PIK3CB: variants seen among roughly 807,000 people sequenced by gnomAD.
PIK3CB encodes the protein phosphatidylinositol 4,5-bisphosphate 3-kinase catalytic subunit beta isoform.
In PIK3CB, 39 loss-of-function variants were observed where a neutral mutation model predicts 136.8. The ratio of observed to expected loss-of-function variants is 0.29; its 90% CI spans 0.22 to 0.37. The LOEUF (loss-of-function observed/expected upper bound fraction) is 0.37. PIK3CB is among the 10% of genes least tolerant of loss of function. The pLI, the probability that PIK3CB is intolerant of heterozygous loss-of-function variation, is 1.00. For synonymous variants in PIK3CB, 428 were observed against 436.6 expected (o/e 0.98, Z 0.25); for missense variants, 868 against 1,275.4 (o/e 0.68, Z 4.87).
intron 1 of PIK3CB, chr3:138,826,198 C>T: frequency 7.8e-7 from 1 of 1,285,852 alleles, no homozygotes; most frequent in African/African-American, 1.4e-5. Context: ...TAGGACTATC[C>T]TCCTCTGGGT....
At chr3:138,770,928 T>A (rs2045791465) in intron 2 of PIK3CB, among the ~76,000 whole-genome samples, 1 of 151,922 alleles carries the variant, frequency 6.6e-6, no homozygotes, top group Non-Finnish European at 1.5e-5. Flanking sequence ...GCCAGGCTAG[T>A]CTTGAACTCC....
At position 138,652,702 on chromosome 3, in the gene PIK3CB, T is replaced by A. The variant is rs1260880783; in HGVS notation, c.*2687A>T. On this transcript the variant is annotated 3_prime_UTR_variant, in exon 24 of 24. Transcript: ENST00000674063. Reference sequence around the variant, plus strand: ...GTATTTGATAGCACAACAGAGTAACTATAGTCGATAATTTAATTATAGATC... The same window carrying A: ...GTATTTGATAGCACAACAGAGTAACAATAGTCGATAATTTAATTATAGATC... 2 of 206,354 alleles carry A rather than the reference T, an allele frequency of 9.7e-6. No homozygotes were observed. The highest frequency in any genetic ancestry group is 1.5e-4 in the East Asian group (2 of 13,284). The allele number at this position is 206,354 out of a possible 1,614,324, so 12.8% of individuals were successfully genotyped here.
chr3:138,686,107 C>A (rs1385445523), intron 16 of PIK3CB, among the ~76,000 whole-genome samples: 1 of 151,094 alleles, frequency 6.6e-6, no homozygotes, highest in African/African-American at 2.4e-5. Flanking sequence ...ACTACACTCT[C>A]CAGCCTGGGC....
At position 138,744,688 on chromosome 3, in the gene PIK3CB, G is replaced by A. The variant is rs939282367; in HGVS notation, c.398-1907C>T. Among the ~76,000 whole-genome samples, 3 of 152,122 alleles carry A rather than the reference G, an allele frequency of 2.0e-5. No homozygotes were observed. In the East Asian group the frequency reaches 5.8e-4, roughly 29 times the overall value. ...TACCACTGTTTGCTTTAGTTTCAGT[G>A]CTGGTATCATAGAAGGGGCCATATT... On this transcript the variant is annotated intron_variant, in intron 4 of 23. Coordinates refer to ENST00000674063, the MANE Select transcript of PIK3CB (RefSeq NM_006219.3).
intron 1 of PIK3CB, among the ~76,000 whole-genome samples, chr3:138,808,750 C>CTCTA (rs1553743007): frequency 2.0e-5 from 3 of 150,068 alleles, no homozygotes; most frequent in African/African-American, 7.4e-5. Flanking sequence ...CTCTCTCTCT[C>CTCTA]TATATATATA....
At chr3:138,734,831 T>C (rs376078180) in intron 6 of PIK3CB, 27 bp from the exon 7 acceptor site, 63 of 1,520,218 alleles carry the variant, frequency 4.1e-5, no homozygotes, top group Middle Eastern at 1.7e-4. Context: ...GGGGAAGGTA[T>C]TGATTTTCAT....
At chr3:138,731,765 A>G (rs1310493794) in intron 8 of PIK3CB, among the ~76,000 whole-genome samples, 1 of 151,790 alleles carries the variant, frequency 6.6e-6, no homozygotes, top group Non-Finnish European at 1.5e-5. Flanking sequence ...CAGGCGGATC[A>G]CGAGGTCAGG....
chr3:138,737,424 C>CAAAAAAAAAAAAAAAAAAAAAAAAAAA (rs2045134496), intron 6 of PIK3CB, among the ~76,000 whole-genome samples: 2 of 88,838 alleles, frequency 2.3e-5, no homozygotes, highest in Non-Finnish European at 4.6e-5. Flanking sequence ...AAAAAAAAAG[C>CAAAAAAAAAAAAAAAAAAAAAAAAAAA]AAAGCAGAAT....
At position 138,655,205 on chromosome 3, in the gene PIK3CB, C is replaced by A; in HGVS notation, c.*184G>T. The A allele has an allele frequency of 1.7e-6, 1 of 591,700 alleles. No individual in the cohort carries two copies. Among genetic ancestry groups the A allele is most frequent in the Non-Finnish European group, 3.0e-6 (1 of 337,312 alleles). The allele number at this position is 591,700 out of a possible 1,614,324, so 36.7% of individuals were successfully genotyped here. A position where few individuals can be genotyped will look rare whatever the true frequency, so the allele number is the denominator to read the frequency against. ...ATAAGTCTTGGAAGCATTCAAAAAG[C>A]AGAGGGAATCATCGGGGATTGTTCA... On this transcript the variant is annotated 3_prime_UTR_variant, in exon 24 of 24. Coordinates refer to ENST00000674063, the MANE Select transcript of PIK3CB (RefSeq NM_006219.3).
At chr3:138,671,634 C>G (rs2043535334) in intron 19 of PIK3CB, among the ~76,000 whole-genome samples, 1 of 152,214 alleles carries the variant, frequency 6.6e-6, no homozygotes, top group South Asian at 2.1e-4. Flanking sequence ...GAGGTAGGAT[C>G]TGGACCCGAC....
At chr3:138,803,860 C>G (rs997282087) in intron 1 of PIK3CB, among the ~76,000 whole-genome samples, 22 of 152,080 alleles carry the variant, frequency 1.4e-4, no homozygotes, top group African/African-American at 5.1e-4. Context: ...TAGGAAAGTT[C>G]CAGCCTCTCA....
At chr3:138,669,490 C>T (rs928404453) in intron 19 of PIK3CB, among the ~76,000 whole-genome samples, 7 of 148,976 alleles carry the variant, frequency 4.7e-5, no homozygotes, top group Non-Finnish European at 8.9e-5. Context: ...TTAATGGAGG[C>T]AACTGTCAAA....
chr3:138,756,981 T>G (rs2045579966), intron 3 of PIK3CB, among the ~76,000 whole-genome samples: 1 of 151,976 alleles, frequency 6.6e-6, no homozygotes, highest in Non-Finnish European at 1.5e-5. Context: ...CTCCTACAAC[T>G]CAATAACAGA....
At chr3:138,744,780 G>A (rs1217160868) in intron 4 of PIK3CB, among the ~76,000 whole-genome samples, 1 of 152,170 alleles carries the variant, frequency 6.6e-6, no homozygotes, top group Non-Finnish European at 1.5e-5. Flanking sequence ...ATGTGAATTT[G>A]TTTTCGGGCA....
intron 12 of PIK3CB, among the ~76,000 whole-genome samples, chr3:138,701,784 C>CAAAAA (rs560982900): frequency 1.8e-5 from 1 of 54,916 alleles, no homozygotes; most frequent in Non-Finnish European, 4.0e-5. Flanking sequence ...GACTCTGTCT[C>CAAAAA]AAAAAAAAAA....
chr3:138,727,826 T>C (rs1254550063), intron 8 of PIK3CB, among the ~76,000 whole-genome samples: 1 of 152,194 alleles, frequency 6.6e-6, no homozygotes, highest in Non-Finnish European at 1.5e-5. Flanking sequence ...ACCCATTAAA[T>C]AAATTTTGAA....
intron 8 of PIK3CB, among the ~76,000 whole-genome samples, chr3:138,724,804 G>A (rs78983417): frequency 6.6e-6 from 1 of 152,166 alleles, no homozygotes; most frequent in Non-Finnish European, 1.5e-5. Context: ...CAAAAGCCAC[G>A]GCGGAGACCA....
rs566148086 is a variant in PIK3CB at position 138,829,907 on chromosome 3, G to T, written c.-122+4788C>A. On this transcript the variant is annotated intron_variant, in intron 1 of 23. Coordinates refer to ENST00000674063, the MANE Select transcript of PIK3CB (RefSeq NM_006219.3). ...CGAAATGAAGGTGTCATGTAGGCAG[G>T]CAGAAGACTGAAGTTCAGGACTGGA... 4.6e-5 allele frequency among the ~76,000 whole-genome samples: 7 copies of T among 152,282 alleles called. No individual in the cohort carries two copies. In the East Asian group the frequency reaches 1.2e-3, roughly 25 times the overall value.
intron 12 of PIK3CB, among the ~76,000 whole-genome samples, chr3:138,700,474 G>A (rs2044227032): frequency 6.6e-6 from 1 of 152,130 alleles, no homozygotes; most frequent in South Asian, 2.1e-4. Context: ...GGGCTCCCAT[G>A]AGCCAGATCT....
Sources: gnomAD v4.1 joint callset for allele counts (sites outside exome capture counted in the v4.1 genomes callset) on GRCh38, gnomAD v4.1.1 for gene constraint, MANE v1.5 for transcripts, NCBI Gene and HGNC (gene_info 2026-07-23, HGNC 2026-07-21) for gene names.